Variants in AGAP1 observed in about 807,000 individuals in gnomAD.
AGAP1 encodes ArfGAP with GTPase domain, ankyrin repeat and PH domain 1, also known as arf-GAP with GTPase, ANK repeat and PH domain-containing protein 1.
In AGAP1, 29 loss-of-function variants were observed where a neutral mutation model predicts 105.3. The observed-to-expected ratio is 0.28, with a 90% CI of 0.21 to 0.38. AGAP1 has a LOEUF of 0.38. Ranked by LOEUF, AGAP1 falls within the 10% of genes least tolerant of loss-of-function variation. The pLI, the probability that AGAP1 is intolerant of heterozygous loss-of-function variation, is 1.00. For missense variants in AGAP1, 998 were observed against 1,165.1 expected (o/e 0.86, Z 2.09); for synonymous variants, 509 against 485.9 (o/e 1.05, Z -0.63).
intron 11 of AGAP1, among the ~76,000 whole-genome samples, chr2:235,913,801 G>A (rs369909241): frequency 1.5e-4 from 23 of 152,262 alleles, no homozygotes; most frequent in African/African-American, 5.1e-4. Context: ...ATACGGGCAC[G>A]TAAATAAAAT....
intron 4 of AGAP1, among the ~76,000 whole-genome samples, chr2:235,743,304 C>T (rs1428377642): frequency 2.0e-5 from 3 of 152,184 alleles, no homozygotes; most frequent in East Asian, 1.9e-4. Context: ...CCACAGTTCA[C>T]GTTTCCTCCG....
intron 16 of AGAP1, among the ~76,000 whole-genome samples, chr2:236,118,839 T>C (rs1365986572): frequency 6.6e-6 from 1 of 152,120 alleles, no homozygotes; most frequent in Non-Finnish European, 1.5e-5. Flanking sequence ...CCCTACCTTT[T>C]TTTTTCCCCT....
intron 16 of AGAP1, among the ~76,000 whole-genome samples, chr2:236,057,758 A>G (rs575993343): frequency 6.6e-6 from 1 of 152,344 alleles, no homozygotes; most frequent in South Asian, 2.1e-4. Context: ...TTAATTTTAA[A>G]AACAGGGTAA....
chr2:235,910,350 T>A (rs1278069396), intron 11 of AGAP1, among the ~76,000 whole-genome samples: 1 of 10,224 alleles, frequency 9.8e-5, no homozygotes, highest in East Asian at 0.012. Context: ...AAACACAAGC[T>A]GTTGTTTCTA....
intron 1 of AGAP1, among the ~76,000 whole-genome samples, chr2:235,507,926 A>G (rs1941896217): frequency 6.6e-6 from 1 of 152,158 alleles, no homozygotes; most frequent in Admixed American, 6.5e-5. Context: ...AGTACCTGAT[A>G]GGTAGTTTTT....
At chr2:235,766,056 C>G (rs1298028678) in intron 6 of AGAP1, among the ~76,000 whole-genome samples, 1 of 152,156 alleles carries the variant, frequency 6.6e-6, no homozygotes, top group Admixed American at 6.5e-5. Context: ...TTTGGCTGCA[C>G]AGTTCGATTC....
chr2:235,673,726 C>G (rs774053355), intron 1 of AGAP1, among the ~76,000 whole-genome samples: 25 of 152,182 alleles, frequency 1.6e-4, no homozygotes, highest in Non-Finnish European at 2.4e-4. Context: ...AGAAGCACCA[C>G]TGGCTTTCTG....
At chr2:235,536,602 C>T (rs561195872) in intron 1 of AGAP1, among the ~76,000 whole-genome samples, 1 of 146,562 alleles carries the variant, frequency 6.8e-6, no homozygotes, top group Non-Finnish European at 1.5e-5. Context: ...CACAGCAGGA[C>T]CCCTGGGTTT....
intron 9 of AGAP1, among the ~76,000 whole-genome samples, chr2:235,861,067 T>C (rs1345112735): frequency 6.6e-6 from 1 of 152,242 alleles, no homozygotes; most frequent in Non-Finnish European, 1.5e-5. Flanking sequence ...AAATGGGGCA[T>C]GAAATGCAAT....
chr2:235,997,757 C>T (rs1294791237), intron 13 of AGAP1, among the ~76,000 whole-genome samples: 1 of 152,126 alleles, frequency 6.6e-6, no homozygotes, highest in Non-Finnish European at 1.5e-5. Context: ...ATCTGAAGAC[C>T]ATTCAAATGG....
At chr2:235,841,290 C>T (rs984998559) in intron 9 of AGAP1, among the ~76,000 whole-genome samples, 1 of 152,134 alleles carries the variant, frequency 6.6e-6, no homozygotes, top group Non-Finnish European at 1.5e-5. Flanking sequence ...TACCAACAGT[C>T]GCCGCTCACT....
intron 12 of AGAP1, among the ~76,000 whole-genome samples, chr2:235,954,688 CT>C (rs1405060805): frequency 6.6e-6 from 1 of 151,744 alleles, no homozygotes; most frequent in Non-Finnish European, 1.5e-5. Context: ...CCGCCTCTAC[CT>C]GCCAACCCCT....
intron 1 of AGAP1, among the ~76,000 whole-genome samples, chr2:235,495,076 A>G (rs1019329654): frequency 6.6e-6 from 1 of 152,076 alleles, no homozygotes; most frequent in Non-Finnish European, 1.5e-5. Context: ...CGTTAATTTG[A>G]TCGTGGACAA....
intron 1 of AGAP1, among the ~76,000 whole-genome samples, chr2:235,568,658 A>G (rs1944424929): frequency 6.6e-6 from 1 of 152,230 alleles, no homozygotes; most frequent in South Asian, 2.1e-4. Context: ...GCTGTAACAG[A>G]TTACAACATA....
Position 236,009,776 on chromosome 2 carries a change from T to A in AGAP1, c.1646-26785T>A, listed in dbSNP as rs2056447380. On this transcript the variant is annotated intron_variant, in intron 13 of 17. Coordinates refer to ENST00000304032, the MANE Select transcript of AGAP1 (RefSeq NM_001037131.3). The surrounding 1 kb of genome is among the most constrained non-coding windows in gnomAD (Gnocchi z 4.2). Reference sequence around the variant, plus strand: ...GTCCCTGCTCGGTTCACGCCAAGGATGTAATTCATGCACACTTGGACGTCC... The same window carrying A: ...GTCCCTGCTCGGTTCACGCCAAGGAAGTAATTCATGCACACTTGGACGTCC... 6.6e-6 allele frequency among the ~76,000 whole-genome samples: 1 copy of A among 152,206 alleles called. No individual in the cohort carries two copies. The highest frequency in any genetic ancestry group is 1.5e-5 in the Non-Finnish European group (1 of 68,034).
In AGAP1 at chr2:235,733,532, C is replaced by T. The variant is rs1325163144; in HGVS notation, c.311-7431C>T. On this transcript the variant is annotated intron_variant, in intron 3 of 17. Coordinates refer to ENST00000304032, the MANE Select transcript of AGAP1 (RefSeq NM_001037131.3). This position sits in a 1 kb window ranked among gnomAD's most constrained non-coding sequence, Gnocchi z 5.0. ...CCTTCCTTCTGGCTTTAATGTTTCC[C>T]CCTTGTTTTATTAGGAAAGGAGGAA... Among the ~76,000 whole-genome samples, 1 of 152,176 alleles carries T rather than the reference C, an allele frequency of 6.6e-6. No homozygotes were observed. Among genetic ancestry groups the T allele is most frequent in the Non-Finnish European group, 1.5e-5 (1 of 68,036 alleles).
chr2:235,566,427 A>G lies in AGAP1; in HGVS notation c.163+71578A>G, dbSNP rs970668543. On this transcript the variant is annotated intron_variant, in intron 1 of 17. Transcript: ENST00000304032. This position sits in a 1 kb window ranked among gnomAD's most constrained non-coding sequence, Gnocchi z 5.2. Reference sequence around the variant, plus strand: ...GGCAGACTGAAGGACTGCCGCATGCATAGCTGCTATTATTAACTCGAGATC... The same window carrying G: ...GGCAGACTGAAGGACTGCCGCATGCGTAGCTGCTATTATTAACTCGAGATC... Among the ~76,000 whole-genome samples the G allele has an allele frequency of 1.3e-5, 2 of 152,188 alleles. No individual in the cohort carries two copies. Among genetic ancestry groups the G allele is most frequent in the Admixed American group, 1.3e-4 (2 of 15,284 alleles).
At chr2:235,806,625 C>T (rs1957847879) in intron 8 of AGAP1, among the ~76,000 whole-genome samples, 1 of 152,184 alleles carries the variant, frequency 6.6e-6, no homozygotes, top group South Asian at 2.1e-4. Context: ...AAATACTGAC[C>T]TTTCGTCCAA....
intron 1 of AGAP1, among the ~76,000 whole-genome samples, chr2:235,538,676 C>T (rs1176749979): frequency 6.6e-6 from 1 of 152,092 alleles, no homozygotes; most frequent in Admixed American, 6.5e-5. Context: ...GAACCATCCT[C>T]ACTCATCTTG....
Sources: gnomAD v4.1 joint callset for allele counts (sites outside exome capture counted in the v4.1 genomes callset) on GRCh38, gnomAD v4.1.1 for gene constraint, Gnocchi (gnomAD v3.1) non-coding constraint, MANE v1.5 for transcripts, NCBI Gene and HGNC (gene_info 2026-07-23, HGNC 2026-07-21) for gene names.